NLRP13: variants seen among roughly 807,000 people sequenced by gnomAD.
NLRP13 encodes NLR family pyrin domain containing 13.
A neutral mutation model predicts 94.4 loss-of-function variants in NLRP13; 82 were observed. The observed-to-expected ratio is 0.87, with a 90% CI of 0.73 to 1.04. The LOEUF is 1.04. NLRP13 is among the 50% of genes least tolerant of loss of function. The probability of loss-of-function intolerance (pLI) is 0.00; values close to 1 mark genes in which losing one functional copy is unlikely to be tolerated. For synonymous variants in NLRP13, 553 were observed against 464.7 expected (o/e 1.19, Z -2.45); for missense variants, 1,426 against 1,230.8 (o/e 1.16, Z -2.37).
chr19:55,929,160 C>G (rs944336481), intron 1 of NLRP13, among the ~76,000 whole-genome samples: 2 of 152,204 alleles, frequency 1.3e-5, no homozygotes, highest in Non-Finnish European at 2.9e-5. Flanking sequence ...AATAGGAACA[C>G]TTTTACACTG....
rs770449479 is a variant in NLRP13 at position 55,931,993 on chromosome 19, C to G, written c.319G>C (p.Glu107Gln). ...LCEKVRAEMK[E>Q]NVQTQELQDP... Reference sequence around the variant, plus strand: ...CGCCTTCCTTCTTGAGGACTCTCACCTTTCATCTCGGCTCTAACTTTCTCA... The same window carrying G: ...CGCCTTCCTTCTTGAGGACTCTCACGTTTCATCTCGGCTCTAACTTTCTCA... Residue 107 changes from glutamate to glutamine, a missense_variant and splice_region_variant, in exon 1 of 11, where the codon GAG (glutamate) becomes CAG (glutamine). By Grantham distance (29) the Glu-to-Gln change is conservative (BLOSUM62 2). Coordinates refer to ENST00000342929, the MANE Select transcript of NLRP13 (RefSeq NM_176810.2). The G allele has an allele frequency of 6.2e-7, 1 of 1,612,836 alleles. No homozygotes were observed. The highest frequency in any genetic ancestry group is 2.2e-5 in the East Asian group (1 of 44,846).
At chr19:55,895,325 G>A (rs760382313), downstream of NLRP13, among the ~76,000 whole-genome samples, 7 of 152,114 alleles carry the variant, frequency 4.6e-5, no homozygotes, top group Non-Finnish European at 8.8e-5. Context: ...AGGTTGTAGT[G>A]AACTGAGATT....
At chr19:55,905,714 G>C (rs1600263524) in intron 7 of NLRP13, among the ~76,000 whole-genome samples, 1 of 152,068 alleles carries the variant, frequency 6.6e-6, no homozygotes, top group East Asian at 1.9e-4. Flanking sequence ...GGGCTGGATT[G>C]CACTTAGTTG....
At position 55,912,657 on chromosome 19, in the gene NLRP13, G is replaced by A. The variant is rs377312110; in HGVS notation, c.1160C>T (p.Thr387Ile). Reference sequence around the variant, plus strand: ...GAAATATACCCGTAGGTCGTCCCCTGTGAACCCTGTAATTTGTACAAAGCA... The same window carrying A: ...GAAATATACCCGTAGGTCGTCCCCTATGAACCCTGTAATTTGTACAAAGCA... Reference protein sequence around the residue: ...NPCFVQITGFTGDDLRVYFMR... With the variant: ...NPCFVQITGFIGDDLRVYFMR... The change falls in exon 5 of 11, where the codon ACA becomes ATA. Residue 387 changes from threonine to isoleucine, a missense_variant. By Grantham distance (89) the Thr-to-Ile change is moderately conservative. Transcript: ENST00000342929. 9 of 1,614,072 alleles carry A rather than the reference G, an allele frequency of 5.6e-6. No homozygotes were observed. In the East Asian group the frequency reaches 1.1e-4, roughly 20 times the overall value.
chr19:55,931,386 C>T (rs760515259), intron 1 of NLRP13, among the ~76,000 whole-genome samples: 3 of 151,996 alleles, frequency 2.0e-5, no homozygotes, highest in Non-Finnish European at 2.9e-5. Flanking sequence ...CCCAGTACGA[C>T]AATCACACTG....
chr19:55,904,172 A>G (rs7251836), intron 8 of NLRP13, among the ~76,000 whole-genome samples: 33,812 of 152,152 alleles, frequency 0.22, 3,999 homozygotes, highest in East Asian at 0.33. Flanking sequence ...AGCTCACTGA[A>G]ACCTTCACCT....
rs16986793 is a variant in NLRP13, at chr19:55,910,788, C to T, written c.2112-55G>A. 1.4e-3 allele frequency: 2,030 copies of T among 1,407,510 alleles called. 37 individuals are homozygous for T. The African/African-American group carries it at 0.025, about 18-fold the overall frequency. 87.2% of individuals were successfully genotyped at this position (1,407,510 alleles called of 1,614,324 possible). A position where few individuals can be genotyped will look rare whatever the true frequency, so the allele number is the denominator to read the frequency against. ...AGAGCAAATTAGCCTCAAGCAATACCCAGAATACAACCTACGGGACACAGA... is the reference window on the plus strand; with the variant it reads ...AGAGCAAATTAGCCTCAAGCAATACTCAGAATACAACCTACGGGACACAGA... On this transcript the variant is annotated intron_variant, in intron 5 of 10. Transcript: ENST00000342929.
chr19:55,891,851 CGGCCTCCAACAACCGTGACAA>C, downstream of NLRP13: 1 of 381,678 alleles, frequency 2.6e-6, no homozygotes, highest in Non-Finnish European at 4.6e-6. Flanking sequence ...GTGCAATGGG[CGGCCTCCAACAACCGTGACAA>C]AGCCTCCTGC....
rs749166008 is a variant in NLRP13, at chr19:55,924,947, A to G, written c.388+20T>C. 6 of 1,607,132 alleles carry G rather than the reference A, an allele frequency of 3.7e-6. 1 individual carries two copies. In the South Asian group the frequency reaches 4.4e-5, roughly 12 times the overall value. ...CCATCAAGCAACCTGTCCATTATCA[A>G]CTTAAAGTAGTGTACACACCTGCTG... is the stretch of plus-strand genomic sequence containing the variant. On this transcript the variant is annotated intron_variant, in intron 2 of 10. Coordinates refer to ENST00000342929, the MANE Select transcript of NLRP13 (RefSeq NM_176810.2).
chr19:55,929,591 C>G (rs950144107), intron 1 of NLRP13, among the ~76,000 whole-genome samples: 1 of 152,034 alleles, frequency 6.6e-6, no homozygotes, highest in Non-Finnish European at 1.5e-5. Context: ...CACATGGACA[C>G]AGGGAGGGGA....
At position 55,907,975 on chromosome 19, in the gene NLRP13, A is replaced by T; in HGVS notation, c.2283-19T>A. 1 of 1,585,388 alleles carries T rather than the reference A, an allele frequency of 6.3e-7. No individual in the cohort carries two copies. The highest frequency in any genetic ancestry group is 8.6e-7 in the Non-Finnish European group (1 of 1,163,322). On this transcript the variant is annotated intron_variant, in intron 6 of 10. Coordinates refer to ENST00000342929, the MANE Select transcript of NLRP13 (RefSeq NM_176810.2). ...TTTGCACCTGAGGAAGGGAAGGGAC[A>T]TGAAAGCTGGATTGGGGGAGAAGAC... is the stretch of plus-strand genomic sequence containing the variant.
At position 55,902,138 on chromosome 19, in the gene NLRP13, T is replaced by C; in HGVS notation, c.2686A>G (p.Ser896Gly). 1 of 1,614,070 alleles carries C rather than the reference T, an allele frequency of 6.2e-7. No individual in the cohort carries two copies. The highest frequency in any genetic ancestry group is 1.1e-5 in the South Asian group (1 of 91,082). Residue 896 changes from serine to glycine, a missense_variant, in exon 9 of 11, where the codon AGC becomes GGC. Ser to Gly is a moderately conservative substitution (Grantham distance 56). Transcript: ENST00000342929. Reference protein sequence around the residue: ...HLSDALLQNRSLTHLNLSKNS... With the variant: ...HLSDALLQNRGLTHLNLSKNS... ...TTGCTCAGATTCAGGTGTGTCAGGC[T>C]CCTGTTCTGCAGGAGAGCATCTGAC... is the stretch of plus-strand genomic sequence containing the variant.
chr19:55,912,588 T>G lies in NLRP13; in HGVS notation c.1229A>C (p.Gln410Pro). 6.2e-7 allele frequency: 1 copy of G among 1,614,218 alleles called. No homozygotes were observed. The highest frequency in any genetic ancestry group is 8.5e-7 in the Non-Finnish European group (1 of 1,180,042). The stretch of plus-strand genomic sequence containing the variant: ...GAGAGTTTCGTTTTTTCTTAGCTGC[T>G]GCAGGATTTTCTCAACTTCACTTGA... ...DDSSEVEKIL[Q>P]QLRKNETLFH... The change falls in exon 5 of 11, where the codon CAG becomes CCG. Residue 410 changes from glutamine (Q) to proline (P), a missense_variant. Physicochemically the swap from Gln to Pro is moderately conservative, Grantham distance 76 (BLOSUM62 -1). Transcript: ENST00000342929.
At position 55,896,025 on chromosome 19, in the gene NLRP13, T is replaced by C; in HGVS notation, c.3052A>G (p.Asn1018Asp). The C allele has an allele frequency of 6.2e-7, 1 of 1,614,188 alleles. No individual in the cohort carries two copies. Among genetic ancestry groups the C allele is most frequent in the Non-Finnish European group, 8.5e-7 (1 of 1,180,000 alleles). The change falls in exon 11 of 11, where the codon AAT becomes GAT. Residue 1018 changes from asparagine (N) to aspartate (D), a missense_variant. Physicochemically the swap from Asn to Asp is conservative, Grantham distance 23. Transcript: ENST00000342929. ...KSLVNLNLLG[N>D]ELDTDGVKML... The stretch of plus-strand genomic sequence containing the variant: ...TTGACACCATCAGTATCCAATTCAT[T>C]GCCTAGAAGGTTCAGATTGACCAGG...
Position 55,912,370 on chromosome 19 carries a change from G to C in NLRP13, c.1447C>G (p.Leu483Val). 6.2e-7 allele frequency: 1 copy of C among 1,614,080 alleles called. No homozygotes were observed. Among genetic ancestry groups the C allele is most frequent in the South Asian group, 1.1e-5 (1 of 91,072 alleles). The change falls in exon 5 of 11, where the codon CTC becomes GTC. Residue 483 changes from leucine (L) to valine (V), a missense_variant. Transcript: ENST00000342929. ...AGCCCTTCTATGGCCAGACTGCAGA[G>C]GGCCCTCCATTGTCCTGGCCAGCTG... is the stretch of plus-strand genomic sequence containing the variant. ...DDSWPGQWRA[L>V]CSLAIEGLWS... is the part of the protein sequence containing the mutation.
In NLRP13 at chr19:55,932,162, C is replaced by T. The variant is rs1987165440; in HGVS notation, c.150G>A (p.Gly50=). 1 of 1,614,108 alleles carries T rather than the reference C, an allele frequency of 6.2e-7. No homozygotes were observed. Among genetic ancestry groups the T allele is most frequent in the East Asian group, 2.2e-5 (1 of 44,860 alleles). The part of the protein sequence containing the change: ...QLMDFWSAPQ[G]HFPRIPWANL... ...TTGCCCAGGGGATACGCGGGAAGTG[C>T]CCCTGGGGGGCCGACCAGAAGTCCA... The change falls in exon 1 of 11, where the codon GGG becomes GGA. Residue 50 remains glycine, a synonymous_variant. Transcript: ENST00000342929.
downstream of NLRP13, among the ~76,000 whole-genome samples, chr19:55,893,654 G>A (rs77934870): frequency 0.011 from 1,730 of 152,172 alleles, 28 homozygotes; most frequent in African/African-American, 0.039. Flanking sequence ...ATGACACAAG[G>A]GACCTTGTGG....
intron 4 of NLRP13, among the ~76,000 whole-genome samples, chr19:55,913,523 T>C (rs1239936100): frequency 2.0e-5 from 2 of 101,774 alleles, no homozygotes; most frequent in African/African-American, 8.0e-5. Context: ...CACTCCAGCC[T>C]GGGTGACAGA....
chr19:55,894,916 G>A (rs935368984), downstream of NLRP13, among the ~76,000 whole-genome samples: 1 of 152,208 alleles, frequency 6.6e-6, no homozygotes, highest in Non-Finnish European at 1.5e-5. Context: ...CAGTACGGTA[G>A]TCATTAGCGA....
Sources: gnomAD v4.1 joint callset for allele counts (sites outside exome capture counted in the v4.1 genomes callset) on GRCh38, gnomAD v4.1.1 for gene constraint, MANE v1.5 for transcripts, NCBI Gene and HGNC (gene_info 2026-07-23, HGNC 2026-07-21) for gene names.